CDC73: variants seen among roughly 807,000 people sequenced by gnomAD.
The protein encoded by CDC73 is parafibromin.
In CDC73, 21 loss-of-function variants were observed where a neutral mutation model predicts 83.7. The observed-to-expected ratio is 0.25, with a 90% CI of 0.18 to 0.36. CDC73 has a LOEUF of 0.36. Ranked by LOEUF, CDC73 falls within the 10% of genes least tolerant of loss-of-function variation. The pLI is 1.00. For synonymous variants in CDC73, 224 were observed against 212.9 expected (o/e 1.05, Z -0.45); for missense variants, 342 against 653.3 (o/e 0.52, Z 5.19).
At chr1:193,235,339 G>A (rs182040303) in intron 14 of CDC73, among the ~76,000 whole-genome samples, 1 of 152,076 alleles carries the variant, frequency 6.6e-6, no homozygotes, top group East Asian at 1.9e-4. Context: ...TATACAATGA[G>A]GTTTCTAATA....
intron 13 of CDC73, among the ~76,000 whole-genome samples, chr1:193,214,335 T>G (rs1677326870): frequency 6.6e-6 from 1 of 152,228 alleles, no homozygotes; most frequent in African/African-American, 2.4e-5. Flanking sequence ...ATAACCCATT[T>G]TAGTAGGAAC....
At chr1:193,167,896 T>C (rs1054144461) in intron 10 of CDC73, among the ~76,000 whole-genome samples, 3 of 152,230 alleles carry the variant, frequency 2.0e-5, no homozygotes, top group African/African-American at 4.8e-5. Flanking sequence ...AATCTCACTC[T>C]GTTGCCCAGT....
At chr1:193,135,979 C>T (rs1319721948) in intron 5 of CDC73, among the ~76,000 whole-genome samples, 2 of 151,834 alleles carry the variant, frequency 1.3e-5, no homozygotes, top group African/African-American at 4.8e-5. Flanking sequence ...AGTGATCCCC[C>T]CACCTCAGCC....
chr1:193,241,654 G>A (rs780267260), intron 15 of CDC73, among the ~76,000 whole-genome samples: 5 of 152,206 alleles, frequency 3.3e-5, no homozygotes, highest in Non-Finnish European at 7.3e-5. Context: ...GTGTGCGGGT[G>A]GGTAACAGTT....
At chr1:193,147,990 G>A in intron 8 of CDC73, 25 bp downstream of exon 8, 1 of 1,497,738 alleles carries the variant, frequency 6.7e-7, no homozygotes, top group Non-Finnish European at 9.3e-7. Context: ...CTGCTTTACA[G>A]TAGATTTAAT....
chr1:193,190,110 G>C (rs940214082), intron 10 of CDC73, among the ~76,000 whole-genome samples: 1 of 152,166 alleles, frequency 6.6e-6, no homozygotes, highest in Non-Finnish European at 1.5e-5. Context: ...ATTAATTTCA[G>C]CTAGGACTTA....
intron 9 of CDC73, among the ~76,000 whole-genome samples, chr1:193,151,451 G>C (rs1051076888): frequency 6.6e-6 from 1 of 152,234 alleles, no homozygotes; most frequent in East Asian, 1.9e-4. Context: ...GGCCAAATTG[G>C]GTTGCCCCCA....
chr1:193,247,213 A>G (rs1237327792), intron 15 of CDC73, among the ~76,000 whole-genome samples: 1 of 152,038 alleles, frequency 6.6e-6, no homozygotes, highest in Non-Finnish European at 1.5e-5. Context: ...TGATTTTTAC[A>G]ATATTTCAAA....
intron 13 of CDC73, among the ~76,000 whole-genome samples, chr1:193,222,568 A>AATC (rs202188061): frequency 0.011 from 1,717 of 152,278 alleles, 8 homozygotes; most frequent in Non-Finnish European, 0.018. Flanking sequence ...TTAGTGTGAT[A>AATC]ATCAGTCCTA....
rs140208193 is a variant in CDC73 at position 193,171,765 on chromosome 1, A to G, written c.972+19321A>G. 9.4e-3 allele frequency among the ~76,000 whole-genome samples: 1,434 copies of G among 152,248 alleles called. 15 individuals are homozygous for G. The highest frequency in any genetic ancestry group is 0.034 in the South Asian group (164 of 4,822). On this transcript the variant is annotated intron_variant, in intron 10 of 16. Coordinates refer to ENST00000367435, the MANE Select transcript of CDC73 (RefSeq NM_024529.5). Reference sequence around the variant, plus strand: ...TTTGCCATGTAATGTTAAAATATTCACAGGTTCTGGGGGCTAGGGCGAATG... The same window carrying G: ...TTTGCCATGTAATGTTAAAATATTCGCAGGTTCTGGGGGCTAGGGCGAATG...
At chr1:193,208,566 T>C (rs1365322799) in intron 11 of CDC73, among the ~76,000 whole-genome samples, 1 of 152,246 alleles carries the variant, frequency 6.6e-6, no homozygotes, top group Non-Finnish European at 1.5e-5. Flanking sequence ...ACACTTGTAC[T>C]CTTTTCGATC....
chr1:193,146,397 T>C (rs185333802), intron 7 of CDC73, among the ~76,000 whole-genome samples: 14 of 152,182 alleles, frequency 9.2e-5, no homozygotes, highest in African/African-American at 3.4e-4. Context: ...GAAATTTATT[T>C]CTCATATTTC....
intron 6 of CDC73, among the ~76,000 whole-genome samples, chr1:193,140,703 G>C (rs1312587628): frequency 6.6e-6 from 1 of 152,152 alleles, no homozygotes; most frequent in African/African-American, 2.4e-5. Flanking sequence ...TTCGTGTCCG[G>C]ATATCCCAGG....
chr1:193,145,465 AAG>A (rs1675979828), intron 7 of CDC73, among the ~76,000 whole-genome samples: 1 of 152,230 alleles, frequency 6.6e-6, no homozygotes, highest in South Asian at 2.1e-4. Flanking sequence ...GTCTTCTATT[AAG>A]CCAGAGATTA....
Position 193,251,016 on chromosome 1 carries a change from G to T in CDC73, c.*304G>T. 2.6e-6 allele frequency: 1 copy of T among 378,716 alleles called. No individual in the cohort carries two copies. The highest frequency in any genetic ancestry group is 4.8e-6 in the Non-Finnish European group (1 of 208,258). 23.5% of individuals were successfully genotyped at this position (378,716 alleles called of 1,614,324 possible). On this transcript the variant is annotated 3_prime_UTR_variant, in exon 17 of 17. Coordinates refer to ENST00000367435, the MANE Select transcript of CDC73 (RefSeq NM_024529.5). ...AAATAAATGCAGGTTATAAATGTGTGTATATTTAGAGATTATAAGGCTCTC... is the reference window on the plus strand; with the variant it reads ...AAATAAATGCAGGTTATAAATGTGTTTATATTTAGAGATTATAAGGCTCTC...
intron 11 of CDC73, among the ~76,000 whole-genome samples, chr1:193,209,381 TA>T (rs1398376894): frequency 6.6e-6 from 1 of 152,228 alleles, no homozygotes; most frequent in Non-Finnish European, 1.5e-5. Context: ...TATTATTTTT[TA>T]AATTCTCACA....
chr1:193,125,617 C>A (rs1675555086), intron 2 of CDC73, among the ~76,000 whole-genome samples: 1 of 151,404 alleles, frequency 6.6e-6, no homozygotes, highest in Non-Finnish European at 1.5e-5. Context: ...GGCTCTGTTG[C>A]CTAAGCTGGA....
chr1:193,161,702 ATATC>A (rs1216360091), intron 10 of CDC73, among the ~76,000 whole-genome samples: 1 of 49,598 alleles, frequency 2.0e-5, no homozygotes, highest in East Asian at 3.5e-4. Flanking sequence ...AATATATTAT[ATATC>A]TATCATATAA....
chr1:193,205,206 C>A (rs1164301466), intron 11 of CDC73, among the ~76,000 whole-genome samples: 2 of 118,666 alleles, frequency 1.7e-5, no homozygotes, highest in Admixed American at 8.1e-5. Flanking sequence ...CCCCCCCCCC[C>A]CCTTTTTTTT....
Sources: gnomAD v4.1 joint callset for allele counts (sites outside exome capture counted in the v4.1 genomes callset) on GRCh38, gnomAD v4.1.1 for gene constraint, MANE v1.5 for transcripts, NCBI Gene and HGNC (gene_info 2026-07-23, HGNC 2026-07-21) for gene names.